CNOT1: variants seen among roughly 807,000 people sequenced by gnomAD.
CNOT1 encodes the protein CCR4-NOT transcription complex subunit 1, also known as CCR4-associated factor 1.
In CNOT1, 15 loss-of-function variants were observed where a neutral mutation model predicts 273.8. The ratio of observed to expected loss-of-function variants is 0.05; its 90% confidence interval spans 0.04 to 0.08. The LOEUF (loss-of-function observed/expected upper bound fraction) is 0.08. Among genes scored for constraint, CNOT1 ranks in the 10% least tolerant of loss-of-function variants. CNOT1 has a pLI of 1.00. For synonymous variants in CNOT1, 1,022 were observed against 1,005.5 expected (o/e 1.02, Z -0.31); for missense variants, 1,644 against 2,912.2 (o/e 0.56, Z 10.02).
chr16:58,608,626 C>T (rs979073419), intron 1 of CNOT1, among the ~76,000 whole-genome samples: 1 of 146,062 alleles, frequency 6.8e-6, no homozygotes, highest in African/African-American at 2.6e-5. Flanking sequence ...GGTATCTGTC[C>T]AGAAGAAAAG....
chr16:58,522,200 T>C (rs1260765456), intron 47 of CNOT1, among the ~76,000 whole-genome samples: 4 of 121,404 alleles, frequency 3.3e-5, no homozygotes, highest in African/African-American at 3.3e-5. Context: ...GTGCCTGTAA[T>C]CCCAGCTACT....
intron 1 of CNOT1, among the ~76,000 whole-genome samples, chr16:58,615,704 CTT>C (rs1314454244): frequency 8.0e-6 from 1 of 125,300 alleles, no homozygotes. Context: ...AGAAGTTACT[CTT>C]GATGATGGGA....
At chr16:58,608,553 C>A (rs1424338125) in intron 1 of CNOT1, among the ~76,000 whole-genome samples, 700 of 129,456 alleles carry the variant, frequency 5.4e-3, no homozygotes, top group Middle Eastern at 8.3e-3. Flanking sequence ...GACTCTGTCT[C>A]AAAAAAAAAA....
intron 47 of CNOT1, chr16:58,523,032 G>A: frequency 6.2e-6 from 1 of 160,122 alleles, no homozygotes; most frequent in Non-Finnish European, 1.4e-5. Context: ...GATCACTTGA[G>A]GTCAGGAGTT....
At chr16:58,580,505 G>A in intron 12 of CNOT1, 128 bp downstream of exon 12, 1 of 1,363,258 alleles carries the variant, frequency 7.3e-7, no homozygotes, top group Non-Finnish European at 9.5e-7. Context: ...AAATACTTAA[G>A]ATAAGTAAGG....
At chr16:58,608,283 C>T (rs745400888) in intron 1 of CNOT1, among the ~76,000 whole-genome samples, 4 of 152,084 alleles carry the variant, frequency 2.6e-5, no homozygotes, top group Non-Finnish European at 4.4e-5. Flanking sequence ...AGGCCAGGCA[C>T]AGTGGCTCAC....
chr16:58,612,259 CTA>C (rs2152035858), intron 1 of CNOT1, among the ~76,000 whole-genome samples: 1 of 152,264 alleles, frequency 6.6e-6, no homozygotes, highest in Non-Finnish European at 1.5e-5. Flanking sequence ...AGACCCAACG[CTA>C]TCAGTTTATT....
At chr16:58,552,863 T>G (rs1219682020) in intron 22 of CNOT1, among the ~76,000 whole-genome samples, 1 of 152,216 alleles carries the variant, frequency 6.6e-6, no homozygotes, top group African/African-American at 2.4e-5. Flanking sequence ...CCAATTAACC[T>G]AAAATCAGTC....
At chr16:58,617,631 C>A (rs947952438) in intron 1 of CNOT1, among the ~76,000 whole-genome samples, 6 of 152,118 alleles carry the variant, frequency 3.9e-5, no homozygotes, top group Non-Finnish European at 7.3e-5. Flanking sequence ...ACTACGCTGC[C>A]CAAATGCCAA....
chr16:58,541,743 C>T lies in CNOT1; in HGVS notation c.4681-123G>A, dbSNP rs527299242. ...CAAGAGTCATTACAACATATAACAG[C>T]ATGATTAAGCATGCACGCACACACA... On this transcript the variant is annotated intron_variant, in intron 33 of 48. Transcript: ENST00000317147. The T allele has an allele frequency of 1.1e-5, 9 of 853,136 alleles. No homozygotes were observed. In the South Asian group the frequency reaches 1.6e-4, roughly 15 times the overall value. 52.8% of individuals were successfully genotyped at this position (853,136 alleles called of 1,614,324 possible). A position where few individuals can be genotyped will look rare whatever the true frequency, so the allele number is the denominator to read the frequency against.
intron 1 of CNOT1, among the ~76,000 whole-genome samples, chr16:58,626,734 T>C (rs1305232101): frequency 6.6e-6 from 1 of 150,546 alleles, no homozygotes; most frequent in African/African-American, 2.5e-5. Flanking sequence ...CATTCCAGCC[T>C]GGGCAACAGG....
At chr16:58,587,086 G>A in intron 6 of CNOT1, 115 bp downstream of exon 6, 1 of 1,380,658 alleles carries the variant, frequency 7.2e-7, no homozygotes, top group African/African-American at 1.5e-5. Context: ...CACAGATAAA[G>A]AGAAATTAAT....
intron 14 of CNOT1, among the ~76,000 whole-genome samples, chr16:58,575,910 T>A (rs139698918): frequency 6.6e-6 from 1 of 152,166 alleles, no homozygotes; most frequent in Non-Finnish European, 1.5e-5. Context: ...ACATAACTTA[T>A]GAGAAAAGCT....
chr16:58,537,441 A>G (rs1200871820), intron 38 of CNOT1, among the ~76,000 whole-genome samples: 1 of 152,216 alleles, frequency 6.6e-6, no homozygotes, highest in African/African-American at 2.4e-5. Flanking sequence ...CTTCTTGCCC[A>G]AAAAACGTGT....
At chr16:58,540,986 C>T (rs566386867) in intron 34 of CNOT1, among the ~76,000 whole-genome samples, 32 of 152,320 alleles carry the variant, frequency 2.1e-4, no homozygotes, top group Middle Eastern at 6.8e-3. Flanking sequence ...TAGGCGATCA[C>T]TTGAGGTCAG....
intron 40 of CNOT1, 91 bp downstream of exon 40, chr16:58,534,056 A>G (rs2039857770): frequency 8.3e-7 from 1 of 1,204,916 alleles, no homozygotes; most frequent in African/African-American, 1.6e-5. Context: ...GACTCTCTCA[A>G]AGAAACAATA....
Position 58,534,289 on chromosome 16 carries a change from T to G in CNOT1, c.5753A>C (p.Gln1918Pro), listed in dbSNP as rs767839241. 1 of 1,614,190 alleles carries G rather than the reference T, an allele frequency of 6.2e-7. No individual in the cohort carries two copies. Among genetic ancestry groups the G allele is most frequent in the African/African-American group, 1.3e-5 (1 of 75,044 alleles). Residue 1918 changes from glutamine to proline, a missense_variant, in exon 40 of 49, where the codon CAG (glutamine) becomes CCG (proline). Physicochemically the swap from Gln to Pro is moderately conservative, Grantham distance 76. Around this residue, in one of 13 missense-constraint regions of CNOT1, gnomAD observed 133 missense variants for 328.2 expected, o/e 0.41. Transcript: ENST00000317147. ...EISYRAQAEQ[Q>P]HNPAANPTMI... ...GGTGGGATTGGCAGCAGGATTGTGC[T>G]GCTGCTCAGCCTGAGCACGGTAACT...
rs1202190700 is a variant in CNOT1 at position 58,615,782 on chromosome 16, T to C, written c.-175+13946A>G. 3.2e-5 allele frequency among the ~76,000 whole-genome samples: 4 copies of C among 124,462 alleles called. 1 individual carries two copies. Among genetic ancestry groups the C allele is most frequent in the African/African-American group, 1.1e-4 (4 of 36,880 alleles). The allele number at this position is 124,462 out of a possible 152,430, so 81.7% of individuals were successfully genotyped here. On this transcript the variant is annotated intron_variant, in intron 1 of 48. Coordinates refer to ENST00000317147, the MANE Select transcript of CNOT1 (RefSeq NM_016284.5). ...AACATGTAAGGAAAAGAGAAGCGAA[T>C]GTACTCAAGAAACAGCAGGCCAGAC...
chr16:58,623,729 CTG>C (rs1326661932), intron 1 of CNOT1, among the ~76,000 whole-genome samples: 1 of 152,118 alleles, frequency 6.6e-6, no homozygotes, highest in African/African-American at 2.4e-5. Context: ...TCATGCCTGT[CTG>C]TAATCCCAGC....
Sources: gnomAD v4.1 joint callset for allele counts (sites outside exome capture counted in the v4.1 genomes callset) on GRCh38, gnomAD v4.1.1 for gene constraint, gnomAD v4.1.1 regional missense constraint, MANE v1.5 for transcripts, NCBI Gene and HGNC (gene_info 2026-07-23, HGNC 2026-07-21) for gene names.